MGAT4C: variants seen among roughly 807,000 people sequenced by gnomAD.
MGAT4C encodes MGAT4 family member C, also known as alpha-1,3-mannosyl-glycoprotein 4-beta-N-acetylglucosaminyltransferase C.
MGAT4C carries 19 observed loss-of-function variants against 40.1 expected under a neutral mutation model. That is an observed-to-expected ratio of 0.47 (90% confidence interval 0.33 to 0.70). The LOEUF is 0.70. MGAT4C is among the 30% of genes least tolerant of loss of function. The pLI is 0.02. For missense variants in MGAT4C, 491 were observed against 563.2 expected (o/e 0.87, Z 1.30); for synonymous variants, 181 against 187.1 (o/e 0.97, Z 0.27).
rs1327064171 is a variant in MGAT4C, at chr12:85,968,371, A to G, written c.*10918T>C. On this transcript the variant is annotated 3_prime_UTR_variant, in exon 5 of 5. Transcript: ENST00000611864. ...AAAGTGGATTTATAGTCTCTAATTA[A>G]TAAGGTGCATATGTCAAGACTCAGG... The G allele has an allele frequency of 1.3e-5, 2 of 152,006 alleles. No homozygotes were observed. The highest frequency in any genetic ancestry group is 1.3e-4 in the Admixed American group (2 of 15,212). 9.4% of individuals were successfully genotyped at this position (152,006 alleles called of 1,614,324 possible).
intron 2 of MGAT4C, among the ~76,000 whole-genome samples, chr12:86,438,596 T>G (rs201001935): frequency 6.6e-6 from 1 of 151,960 alleles, no homozygotes; most frequent in East Asian, 1.9e-4. Flanking sequence ...ACAATCAATA[T>G]GATGACTGGA....
At chr12:86,170,896 A>G (rs1886759656) in intron 1 of MGAT4C, among the ~76,000 whole-genome samples, 2 of 152,094 alleles carry the variant, frequency 1.3e-5, no homozygotes, top group African/African-American at 4.8e-5. Flanking sequence ...CGACAGAGTG[A>G]GAAAGAAAGA....
chr12:86,267,293 T>C (rs1952812897), intron 4 of MGAT4C, among the ~76,000 whole-genome samples: 1 of 152,114 alleles, frequency 6.6e-6, no homozygotes, highest in South Asian at 2.1e-4. Flanking sequence ...TAGGCTGCAT[T>C]TCCATGCTGA....
intron 1 of MGAT4C, among the ~76,000 whole-genome samples, chr12:86,079,373 T>C (rs1870396731): frequency 6.6e-6 from 1 of 152,156 alleles, no homozygotes; most frequent in African/African-American, 2.4e-5. Context: ...TTCCTAGATA[T>C]AGCCAACCTC....
intron 1 of MGAT4C, among the ~76,000 whole-genome samples, chr12:86,755,736 C>A (rs1293484367): frequency 1.3e-5 from 2 of 151,866 alleles, no homozygotes; most frequent in Admixed American, 1.3e-4. Flanking sequence ...CAGCCTCAAC[C>A]TCCCCAGCTC....
At chr12:86,722,597 T>C (rs951975285) in intron 2 of MGAT4C, among the ~76,000 whole-genome samples, 1 of 152,142 alleles carries the variant, frequency 6.6e-6, no homozygotes, top group Non-Finnish European at 1.5e-5. Flanking sequence ...ACCAAGTCAA[T>C]AGTTTTTAAG....
chr12:86,412,333 G>T (rs1418128671), intron 3 of MGAT4C, among the ~76,000 whole-genome samples: 1 of 152,232 alleles, frequency 6.6e-6, no homozygotes, highest in Non-Finnish European at 1.5e-5. Context: ...TAGCCCTTGA[G>T]AGCAGCCATA....
chr12:86,063,461 A>C (rs929656899), intron 1 of MGAT4C, among the ~76,000 whole-genome samples: 2 of 152,228 alleles, frequency 1.3e-5, no homozygotes, highest in Admixed American at 1.3e-4. Context: ...AAGAAACTGC[A>C]TCAATTAATG....
intron 4 of MGAT4C, among the ~76,000 whole-genome samples, chr12:86,279,839 C>T (rs1831461874): frequency 1.3e-5 from 2 of 151,760 alleles, no homozygotes; most frequent in Non-Finnish European, 2.9e-5. Context: ...AGTTGTGTTC[C>T]CATTGTCATT....
intron 1 of MGAT4C, among the ~76,000 whole-genome samples, chr12:86,794,494 T>G (rs1179269261): frequency 1.3e-5 from 2 of 151,880 alleles, no homozygotes; most frequent in African/African-American, 4.8e-5. Context: ...TCAATATTAA[T>G]GTTTAGCATT....
chr12:86,112,855 T>G (rs1877705037), intron 1 of MGAT4C, among the ~76,000 whole-genome samples: 1 of 151,736 alleles, frequency 6.6e-6, no homozygotes, highest in Non-Finnish European at 1.5e-5. Context: ...AGCACCATAT[T>G]ATAGGAAACA....
chr12:86,337,799 G>C (rs1165896566), intron 3 of MGAT4C, among the ~76,000 whole-genome samples: 1 of 152,080 alleles, frequency 6.6e-6, no homozygotes, highest in South Asian at 2.1e-4. Flanking sequence ...ACTGTTATCT[G>C]AATGTAATTA....
intron 1 of MGAT4C, among the ~76,000 whole-genome samples, chr12:86,196,916 C>A (rs1949835301): frequency 6.6e-6 from 1 of 152,084 alleles, no homozygotes. Flanking sequence ...CCACTTTTTG[C>A]AACATAGTTA....
At chr12:86,153,430 C>G (rs1884540094) in intron 1 of MGAT4C, among the ~76,000 whole-genome samples, 1 of 152,192 alleles carries the variant, frequency 6.6e-6, no homozygotes, top group Admixed American at 6.5e-5. Context: ...AATTTACAGT[C>G]CATCTCATGT....
chr12:86,072,936 G>A (rs1180662983), intron 1 of MGAT4C, among the ~76,000 whole-genome samples: 1 of 151,984 alleles, frequency 6.6e-6, no homozygotes, highest in Non-Finnish European at 1.5e-5. Context: ...TGTGATTTTG[G>A]AACACACGAG....
In MGAT4C at chr12:86,547,362, C is replaced by A. The variant is rs575073353; in HGVS notation, c.-228-112097G>T. On this transcript the variant is annotated intron_variant, in intron 2 of 7. Coordinates refer to the MGAT4C transcript ENST00000548651. ...CTCCTCCTTCTCTTCTTTCTTTATCCTCTTATCTTCCTTTATTCTTATGAA... is the reference window on the plus strand; with the variant it reads ...CTCCTCCTTCTCTTCTTTCTTTATCATCTTATCTTCCTTTATTCTTATGAA... Among the ~76,000 whole-genome samples, 5 of 151,690 alleles carry A rather than the reference C, an allele frequency of 3.3e-5. No homozygotes were observed. In the South Asian group the frequency reaches 1.0e-3, roughly 32 times the overall value.
At chr12:86,615,913 A>C (rs1368148567) in intron 2 of MGAT4C, among the ~76,000 whole-genome samples, 2 of 152,104 alleles carry the variant, frequency 1.3e-5, no homozygotes, top group South Asian at 2.1e-4. Flanking sequence ...CACTATTGTG[A>C]GAGACTCTTG....
chr12:86,087,889 A>T (rs1872177826), intron 1 of MGAT4C, among the ~76,000 whole-genome samples: 1 of 151,986 alleles, frequency 6.6e-6, no homozygotes, highest in Non-Finnish European at 1.5e-5. Flanking sequence ...CTATTTAAAA[A>T]TTCATATGGA....
At chr12:86,572,503 T>C (rs1960405228) in intron 2 of MGAT4C, among the ~76,000 whole-genome samples, 1 of 152,114 alleles carries the variant, frequency 6.6e-6, no homozygotes, top group Admixed American at 6.6e-5. Flanking sequence ...AAGGACACAC[T>C]CTTTACTATC....
Sources: gnomAD v4.1 joint callset for allele counts (sites outside exome capture counted in the v4.1 genomes callset) on GRCh38, gnomAD v4.1.1 for gene constraint, MANE v1.5 for transcripts, NCBI Gene and HGNC (gene_info 2026-07-23, HGNC 2026-07-21) for gene names.